Variants in ARHGAP23 observed in about 807,000 individuals in gnomAD.
ARHGAP23 encodes the protein rho GTPase-activating protein 23.
In ARHGAP23, 34 loss-of-function variants were observed where a neutral mutation model predicts 136.3. The ratio of observed to expected loss-of-function variants is 0.25; its 90% CI spans 0.19 to 0.33. ARHGAP23 has a LOEUF of 0.33. Ranked by LOEUF, ARHGAP23 falls within the 10% of genes least tolerant of loss-of-function variation. The pLI, the probability that ARHGAP23 is intolerant of heterozygous loss-of-function variation, is 1.00. For synonymous variants in ARHGAP23, 832 were observed against 920.5 expected (o/e 0.90, Z 1.74); for missense variants, 1,808 against 2,139.0 (o/e 0.85, Z 3.05).
At chr17:38,428,428 CG>C (rs534883686), upstream of ARHGAP23, 719 of 1,132,142 alleles carry the variant, frequency 6.4e-4, 11 homozygotes, top group South Asian at 0.015. Context: ...CCGCCCCTCC[CG>C]GGTCCCTGCC....
chr17:38,491,144 A>G (rs1172605734), intron 19 of ARHGAP23, among the ~76,000 whole-genome samples: 1 of 152,160 alleles, frequency 6.6e-6, no homozygotes, highest in Non-Finnish European at 1.5e-5. Flanking sequence ...AGGGTCTCCC[A>G]CTGCTGGCAC....
rs548087725 is a variant in ARHGAP23, at chr17:38,477,268, G to A, written c.2119-311G>A. ...ATCCCCAGGATTTCATGTATGGAGGGCCATGCTGGGTGTCTGAGCATTGCC... is the reference window on the plus strand; with the variant it reads ...ATCCCCAGGATTTCATGTATGGAGGACCATGCTGGGTGTCTGAGCATTGCC... On this transcript the variant is annotated intron_variant, in intron 11 of 23. Coordinates refer to ENST00000622683, the MANE Select transcript of ARHGAP23 (RefSeq NM_001199417.2). The surrounding 1 kb of genome is among the most constrained non-coding windows in gnomAD (Gnocchi z 6.6). Among the ~76,000 whole-genome samples, 139 of 152,094 alleles carry A rather than the reference G, an allele frequency of 9.1e-4. No individual in the cohort carries two copies. Among genetic ancestry groups the A allele is most frequent in the African/African-American group, 3.3e-3 (136 of 41,484 alleles).
intron 1 of ARHGAP23, among the ~76,000 whole-genome samples, chr17:38,432,735 G>A (rs2038712203): frequency 6.6e-6 from 1 of 151,956 alleles, no homozygotes; most frequent in Non-Finnish European, 1.5e-5. Context: ...TGGTGGAAGT[G>A]GGAAAATCAC....
rs372079433 is a variant in ARHGAP23 at position 38,506,693 on chromosome 17, C to T, written c.3448-3251C>T. On this transcript the variant is annotated intron_variant, in intron 23 of 23. Coordinates refer to ENST00000622683, the MANE Select transcript of ARHGAP23 (RefSeq NM_001199417.2). Reference sequence around the variant, plus strand: ...AGCCCTCTGGTGTCCCTTCTAATAACCGCACTAATCCCATCAAAAGGTCCC... The same window carrying T: ...AGCCCTCTGGTGTCCCTTCTAATAATCGCACTAATCCCATCAAAAGGTCCC... Among the ~76,000 whole-genome samples, 31 of 152,298 alleles carry T rather than the reference C, an allele frequency of 2.0e-4. No individual in the cohort carries two copies. The East Asian group carries it at 3.7e-3, about 18-fold the overall frequency.
chr17:38,425,750 C>T (rs969987399), upstream of ARHGAP23, among the ~76,000 whole-genome samples: 17 of 151,780 alleles, frequency 1.1e-4, no homozygotes, highest in Non-Finnish European at 2.2e-4. Context: ...CCCAGAGTGT[C>T]GAGAGAGGAA....
In ARHGAP23 at chr17:38,464,898, C is replaced by A. The variant is rs376809834; in HGVS notation, c.484-1269C>A. On this transcript the variant is annotated intron_variant, in intron 6 of 23. Coordinates refer to ENST00000622683, the MANE Select transcript of ARHGAP23 (RefSeq NM_001199417.2). ...TTGGAAGCCAAGGCTGGAGGCCAATCGGGCCTCGGCAGCTGCTGACGCCAC... is the reference window on the plus strand; with the variant it reads ...TTGGAAGCCAAGGCTGGAGGCCAATAGGGCCTCGGCAGCTGCTGACGCCAC... 1.1e-4 allele frequency among the ~76,000 whole-genome samples: 17 copies of A among 152,316 alleles called. 3 individuals carry two copies. Among genetic ancestry groups the A allele is most frequent in the Admixed American group, 1.1e-3 (17 of 15,310 alleles).
chr17:38,440,385 G>A (rs895227128), intron 1 of ARHGAP23, among the ~76,000 whole-genome samples: 1 of 152,186 alleles, frequency 6.6e-6, no homozygotes, highest in Non-Finnish European at 1.5e-5. Flanking sequence ...TATGTCTTTG[G>A]TTTTATAAAA....
intron 11 of ARHGAP23, among the ~76,000 whole-genome samples, chr17:38,472,501 C>T (rs1176625572): frequency 6.7e-6 from 1 of 149,864 alleles, no homozygotes; most frequent in African/African-American, 2.5e-5. Flanking sequence ...TAGGGAGGGG[C>T]CATGCTGGAG....
At chr17:38,503,073 A>C (rs543327815) in intron 23 of ARHGAP23, among the ~76,000 whole-genome samples, 29 of 151,998 alleles carry the variant, frequency 1.9e-4, no homozygotes, top group African/African-American at 5.3e-4. Context: ...AACAAACAAA[A>C]AAAGACGAAA....
intron 2 of ARHGAP23, 147 bp downstream of exon 2, chr17:38,458,410 T>A: frequency 8.6e-7 from 1 of 1,166,380 alleles, no homozygotes; most frequent in Non-Finnish European, 1.2e-6. Context: ...TGCTGTGGCC[T>A]GGGGAGGAGG....
chr17:38,498,505 G>A lies in ARHGAP23; in HGVS notation c.3410G>A (p.Gly1137Glu). The A allele has an allele frequency of 6.5e-7, 1 of 1,546,834 alleles. No homozygotes were observed. The highest frequency in any genetic ancestry group is 8.7e-7 in the Non-Finnish European group (1 of 1,145,344). ...IGRTVPPGDP[G>E]SDSTTCSSAK... ...AGGACAGTGCCCCCTGGCGACCCGG[G>A]GTCAGGTGAGCGCAGGGGCCTGGGA... Residue 1137 changes from glycine (G) to glutamate (E), a missense_variant, in exon 22 of 24, where the codon GGG becomes GAG. This residue lies in a region of ARHGAP23 where 104 missense variants were observed against 131.8 expected (regional missense o/e 0.79). Transcript: ENST00000622683.
chr17:38,497,540 C>T (rs2040419731), intron 20 of ARHGAP23, among the ~76,000 whole-genome samples: 2 of 152,236 alleles, frequency 1.3e-5, no homozygotes, highest in Non-Finnish European at 2.9e-5. Flanking sequence ...CTCCCACTCC[C>T]TGCCGTGTCT....
chr17:38,427,459 G>A (rs1284852607), upstream of ARHGAP23, among the ~76,000 whole-genome samples: 2 of 127,530 alleles, frequency 1.6e-5, no homozygotes, highest in Non-Finnish European at 3.5e-5. Flanking sequence ...GTGAGACCCT[G>A]CCGAAAAAAA....
chr17:38,464,831 C>A (rs1402343827), intron 6 of ARHGAP23, among the ~76,000 whole-genome samples: 1 of 152,222 alleles, frequency 6.6e-6, no homozygotes, highest in East Asian at 1.9e-4. Flanking sequence ...CTGGCCCCCG[C>A]ATCTCTGCCA....
rs1385114096 is a variant in ARHGAP23, at chr17:38,466,508, C to T, written c.825C>T (p.Ser275=). 2.0e-6 allele frequency: 3 copies of T among 1,485,282 alleles called. No individual in the cohort carries two copies. Among genetic ancestry groups the T allele is most frequent in the Admixed American group, 2.2e-5 (1 of 44,752 alleles). 92.0% of individuals were successfully genotyped at this position (1,485,282 alleles called of 1,614,324 possible). ...CCCGTGCCTTCCCAGAGCCTGGCAG[C>T]CGGGTGCCCCCCAGCAGACTGGAGT... is the stretch of plus-strand genomic sequence containing the variant. ...RTPRAFPEPG[S]RVPPSRLECQ... The change falls in exon 7 of 24, where the codon AGC becomes AGT. Residue 275 remains serine, a synonymous_variant. Transcript: ENST00000622683.
rs928985915 is a variant in ARHGAP23, at chr17:38,486,121, C to T, written c.2967C>T (p.Pro989=). ...TCAAGTCCTTCTTCCGAAAGCTGCCCGAGCCTCTTTTCACTGATGGTGAGT... is the reference window on the plus strand; with the variant it reads ...TCAAGTCCTTCTTCCGAAAGCTGCCTGAGCCTCTTTTCACTGATGGTGAGT... ...SLLKSFFRKL[P]EPLFTDDKYN... is the part of the protein sequence containing the mutation. Residue 989 remains proline, a synonymous_variant, in exon 17 of 24, where the codon CCC becomes CCT. Transcript: ENST00000622683. 85 of 1,551,200 alleles carry T rather than the reference C, an allele frequency of 5.5e-5. No individual in the cohort carries two copies. The highest frequency in any genetic ancestry group is 2.0e-4 in the Admixed American group (10 of 50,960).
In ARHGAP23 at chr17:38,466,677, T is replaced by C. The variant is rs1389383745; in HGVS notation, c.994T>C (p.Ser332Pro). Residue 332 changes from serine to proline, a missense_variant, in exon 7 of 24, where the codon TCC (serine) becomes CCC (proline). By Grantham distance (74) the Ser-to-Pro change is moderately conservative. Coordinates refer to ENST00000622683, the MANE Select transcript of ARHGAP23 (RefSeq NM_001199417.2). ...EVAAPRPWPCSTSQDALSQLG... is the reference protein window; with the variant it reads ...EVAAPRPWPCPTSQDALSQLG... The stretch of plus-strand genomic sequence containing the variant: ...GGCTGCCCCCCGCCCGTGGCCCTGC[T>C]CCACCTCCCAGGATGCTTTGAGCCA... The C allele has an allele frequency of 6.6e-7, 1 of 1,519,322 alleles. No homozygotes were observed. The highest frequency in any genetic ancestry group is 2.0e-5 in the Admixed American group (1 of 48,956). 94.1% of individuals were successfully genotyped at this position (1,519,322 alleles called of 1,614,324 possible).
Position 38,479,797 on chromosome 17 carries a change from G to A in ARHGAP23, c.2543G>A (p.Arg848His), listed in dbSNP as rs1397600620. Residue 848 changes from arginine (R) to histidine (H), a missense_variant, in exon 14 of 24, where the codon CGC (arginine) becomes CAC (histidine). Arg to His is a conservative substitution (Grantham distance 29). This residue lies in a region of ARHGAP23 where 73 missense variants were observed against 82.5 expected (regional missense o/e 0.88). Coordinates refer to ENST00000622683, the MANE Select transcript of ARHGAP23 (RefSeq NM_001199417.2). ...PKADSSPKGS[R>H]GLGGLKSEFL... ...GCTGATTCCTCCCCCAAAGGCTCTC[G>A]CGGCCTGGGGGGCCTCAAGTCTGAG... 30 of 1,517,130 alleles carry A rather than the reference G, an allele frequency of 2.0e-5. No individual in the cohort carries two copies. The highest frequency in any genetic ancestry group is 8.5e-5 in the Admixed American group (4 of 46,878). The allele number at this position is 1,517,130 out of a possible 1,614,324, so 94.0% of individuals were successfully genotyped here.
At chr17:38,498,286 C>A in intron 21 of ARHGAP23, 128 bp from the exon 22 acceptor site, 1 of 661,756 alleles carries the variant, frequency 1.5e-6, no homozygotes, top group Non-Finnish European at 2.5e-6. Context: ...ATGAGGGAGA[C>A]GGTCCCTGCC....
Sources: gnomAD v4.1 joint callset for allele counts (sites outside exome capture counted in the v4.1 genomes callset) on GRCh38, gnomAD v4.1.1 for gene constraint, gnomAD v4.1.1 regional missense constraint, Gnocchi (gnomAD v3.1) non-coding constraint, MANE v1.5 for transcripts, NCBI Gene and HGNC (gene_info 2026-07-23, HGNC 2026-07-21) for gene names.